PRKN: variants seen among roughly 807,000 people sequenced by gnomAD.
PRKN encodes the protein parkin RBR E3 ubiquitin protein ligase, also known as E3 ubiquitin-protein ligase parkin.
In PRKN, 56 loss-of-function variants were observed where a neutral mutation model predicts 59.5. The ratio of observed to expected loss-of-function variants is 0.94; its 90% CI spans 0.76 to 1.18. PRKN has a LOEUF of 1.18. PRKN is among the 50% of genes most tolerant of loss of function. The probability of loss-of-function intolerance (pLI) is 0.00; values close to 1 mark genes in which losing one functional copy is unlikely to be tolerated. For synonymous variants in PRKN, 250 were observed against 222.1 expected (o/e 1.13, Z -1.12); for missense variants, 657 against 596.4 (o/e 1.10, Z -1.06).
intron 2 of PRKN, among the ~76,000 whole-genome samples, chr6:162,397,017 G>A (rs1235341965): frequency 6.6e-6 from 1 of 152,138 alleles, no homozygotes; most frequent in Non-Finnish European, 1.5e-5. Flanking sequence ...TGGTGTTGGA[G>A]ATAGTATGCA....
intron 2 of PRKN, among the ~76,000 whole-genome samples, chr6:162,377,976 C>A (rs1474552280): frequency 6.6e-6 from 1 of 152,082 alleles, no homozygotes; most frequent in Non-Finnish European, 1.5e-5. Flanking sequence ...ACAAGAGGAT[C>A]CCAGTCTCTC....
chr6:161,543,575 T>C (rs1462660522), intron 9 of PRKN, among the ~76,000 whole-genome samples: 1 of 152,258 alleles, frequency 6.6e-6, no homozygotes, highest in Non-Finnish European at 1.5e-5. Context: ...TAAGAAATTC[T>C]ATCGCATTTC....
intron 3 of PRKN, among the ~76,000 whole-genome samples, chr6:162,203,399 C>A (rs746342394): frequency 2.3e-4 from 35 of 152,114 alleles, no homozygotes; most frequent in Non-Finnish European, 3.4e-4. Context: ...AAGGTCAGGC[C>A]AGTCGTGGCT....
At chr6:161,635,485 C>T (rs1783478026) in intron 7 of PRKN, among the ~76,000 whole-genome samples, 1 of 152,240 alleles carries the variant, frequency 6.6e-6, no homozygotes, top group Non-Finnish European at 1.5e-5. Flanking sequence ...CTCTCAGGTG[C>T]CTTCCTCAGC....
intron 7 of PRKN, among the ~76,000 whole-genome samples, chr6:161,748,170 C>T (rs1045036317): frequency 1.3e-5 from 2 of 152,154 alleles, no homozygotes; most frequent in African/African-American, 4.8e-5. Context: ...ACGTTTTTCT[C>T]AGCTTTGAGG....
At chr6:161,485,916 A>G (rs911702116) in intron 9 of PRKN, among the ~76,000 whole-genome samples, 7 of 152,084 alleles carry the variant, frequency 4.6e-5, no homozygotes, top group Non-Finnish European at 1.0e-4. Context: ...TTTTAAACAT[A>G]TAAGTTTATT....
intron 4 of PRKN, among the ~76,000 whole-genome samples, chr6:162,077,518 G>C (rs1778876203): frequency 6.6e-6 from 1 of 152,010 alleles, no homozygotes; most frequent in African/African-American, 2.4e-5. Context: ...AAGTAAAATA[G>C]AGGGACCTGG....
intron 7 of PRKN, among the ~76,000 whole-genome samples, chr6:161,585,744 G>A (rs1179869559): frequency 6.6e-6 from 1 of 152,156 alleles, no homozygotes; most frequent in Non-Finnish European, 1.5e-5. Flanking sequence ...TGAAACACAT[G>A]AAGTAGGTGG....
intron 3 of PRKN, among the ~76,000 whole-genome samples, chr6:162,225,136 T>C (rs1304530168): frequency 6.6e-6 from 1 of 152,174 alleles, no homozygotes; most frequent in Non-Finnish European, 1.5e-5. Context: ...TGAGAGCACA[T>C]CTATGAGTGA....
At chr6:161,661,969 G>A (rs750902418) in intron 7 of PRKN, among the ~76,000 whole-genome samples, 7 of 152,098 alleles carry the variant, frequency 4.6e-5, no homozygotes, top group Admixed American at 1.3e-4. Flanking sequence ...GTTGCAGTGA[G>A]CCAAGATTGC....
chr6:162,117,927 T>C (rs937206247), intron 4 of PRKN, among the ~76,000 whole-genome samples: 10 of 151,978 alleles, frequency 6.6e-5, no homozygotes, highest in African/African-American at 2.4e-4. Flanking sequence ...GGAAACCTTG[T>C]CTCTACTAAA....
intron 4 of PRKN, among the ~76,000 whole-genome samples, chr6:162,100,013 A>C (rs1779901442): frequency 6.6e-6 from 1 of 152,238 alleles, no homozygotes; most frequent in East Asian, 1.9e-4. Context: ...CGTATACGTG[A>C]AACCGTGCAA....
rs192644560 is a variant in PRKN at position 161,564,207 on chromosome 6, G to A, written c.933+5148C>T. 1.0e-3 allele frequency among the ~76,000 whole-genome samples: 157 copies of A among 152,246 alleles called. 2 individuals are homozygous for A. The highest frequency in any genetic ancestry group is 9.1e-3 in the East Asian group (47 of 5,176). On this transcript the variant is annotated intron_variant, in intron 8 of 11. Coordinates refer to ENST00000366898, the MANE Select transcript of PRKN (RefSeq NM_004562.3). ...GACAAGAGCTCTCTGCTTCCTCTCG[G>A]GAGCCTCATTGCCACCATCTGCCTA...
intron 2 of PRKN, among the ~76,000 whole-genome samples, chr6:162,373,707 A>G (rs1785893791): frequency 1.3e-5 from 2 of 152,186 alleles, no homozygotes; most frequent in African/African-American, 4.8e-5. Context: ...GGTGACATAG[A>G]AGAACAAGTT....
At chr6:162,143,134 C>A (rs1781859913) in intron 4 of PRKN, among the ~76,000 whole-genome samples, 1 of 152,188 alleles carries the variant, frequency 6.6e-6, no homozygotes, top group Non-Finnish European at 1.5e-5. Context: ...ACATATTTTT[C>A]TCCTTCTTCC....
intron 2 of PRKN, among the ~76,000 whole-genome samples, chr6:162,368,209 C>T (rs1035700657): frequency 6.6e-6 from 1 of 152,036 alleles, no homozygotes; most frequent in African/African-American, 2.4e-5. Flanking sequence ...CTCTCACACC[C>T]AAGAGTGCAT....
intron 1 of PRKN, among the ~76,000 whole-genome samples, chr6:162,456,624 A>G (rs1380624389): frequency 6.6e-6 from 1 of 152,182 alleles, no homozygotes; most frequent in Non-Finnish European, 1.5e-5. Flanking sequence ...TAAAGTCACC[A>G]CGAACAGTAA....
rs188910254 is a variant in PRKN, at chr6:161,576,041, A to C, written c.872-6625T>G. ...AGTGGGCGGCTTGCTACTCCAGCTAAGCCAGGTTGATTAGGGTTGCCATAC... is the reference window on the plus strand; with the variant it reads ...AGTGGGCGGCTTGCTACTCCAGCTACGCCAGGTTGATTAGGGTTGCCATAC... On this transcript the variant is annotated intron_variant, in intron 7 of 11. Coordinates refer to ENST00000366898, the MANE Select transcript of PRKN (RefSeq NM_004562.3). This position sits in a 1 kb window ranked among gnomAD's most constrained non-coding sequence, Gnocchi z 4.6. Among the ~76,000 whole-genome samples, 1 of 152,264 alleles carries C rather than the reference A, an allele frequency of 6.6e-6. No individual in the cohort carries two copies. The highest frequency in any genetic ancestry group is 1.9e-4 in the East Asian group (1 of 5,176).
intron 1 of PRKN, among the ~76,000 whole-genome samples, chr6:162,643,125 C>T (rs1415819780): frequency 2.6e-5 from 4 of 152,136 alleles, no homozygotes; most frequent in East Asian, 3.9e-4. Context: ...CAGCCGGGCG[C>T]GGTGGCTGGC....
Sources: allele counts gnomAD v4.1 joint callset (sites outside exome capture counted in the v4.1 genomes callset), GRCh38; gene constraint gnomAD v4.1.1; non-coding constraint Gnocchi (gnomAD v3.1); transcripts MANE v1.5; gene names NCBI Gene and HGNC (gene_info 2026-07-23, HGNC 2026-07-21).